Variants in TPGS2 observed in about 807,000 individuals in gnomAD.
TPGS2 encodes polyglutamylase subunit 2.
Under a neutral mutation model 31.1 loss-of-function variants are expected in TPGS2, and 26 were observed. The observed-to-expected ratio is 0.84, with a 90% CI of 0.61 to 1.16. The LOEUF is 1.16. Ranked by LOEUF, TPGS2 falls within the 50% of genes most tolerant of loss-of-function variation. TPGS2 has a pLI of 0.00. For missense variants in TPGS2, 351 were observed against 363.8 expected (o/e 0.96, Z 0.29); for synonymous variants, 130 against 136.6 (o/e 0.95, Z 0.34).
intron 1 of TPGS2, among the ~76,000 whole-genome samples, chr18:36,822,324 A>G (rs1256574740): frequency 1.3e-5 from 2 of 152,216 alleles, no homozygotes; most frequent in Non-Finnish European, 2.9e-5. Flanking sequence ...AAGCCTGTGC[A>G]TGGATTCCTC....
Position 36,805,470 on chromosome 18 carries a change from T to C in TPGS2, c.286A>G (p.Asn96Asp). 1 of 1,614,096 alleles carries C rather than the reference T, an allele frequency of 6.2e-7. No homozygotes were observed. The highest frequency in any genetic ancestry group is 8.5e-7 in the Non-Finnish European group (1 of 1,179,962). ...AGCTGAGTCAGTTTTGAGATGCTGT[T>C]AATTGCCATGCTTCCCAGTGGAATG... ...HIIPLGSMAI[N>D]SISKLTQLTQ... is the part of the protein sequence containing the mutation. Residue 96 changes from asparagine (N) to aspartate (D), a missense_variant, in exon 4 of 7, where the codon AAC (asparagine) becomes GAC (aspartate). Coordinates refer to ENST00000334295, the MANE Select transcript of TPGS2 (RefSeq NM_015476.4).
Position 36,796,652 on chromosome 18 carries a change from G to A in TPGS2, c.*153C>T. 1.4e-6 allele frequency: 2 copies of A among 1,419,158 alleles called. No homozygotes were observed. The highest frequency in any genetic ancestry group is 1.8e-6 in the Non-Finnish European group (2 of 1,092,008). The allele number at this position is 1,419,158 out of a possible 1,614,324, so 87.9% of individuals were successfully genotyped here. The stretch of plus-strand genomic sequence containing the variant: ...CTCTGGAGGCCTCACTACGAGCCTG[G>A]CTAATGTCGGTGGGACTAAAAGCCT... On this transcript the variant is annotated 3_prime_UTR_variant, in exon 7 of 7. Transcript: ENST00000334295.
At chr18:36,822,769 A>AT (rs989065540) in intron 1 of TPGS2, among the ~76,000 whole-genome samples, 5 of 151,520 alleles carry the variant, frequency 3.3e-5, no homozygotes, top group East Asian at 1.9e-4. Flanking sequence ...TAATTAAAAA[A>AT]TTTTTTTTTG....
Position 36,828,979 on chromosome 18 carries a change from T to A in TPGS2, c.-212A>T. 9.4e-7 allele frequency: 1 copy of A among 1,063,560 alleles called. No homozygotes were observed. The highest frequency in any genetic ancestry group is 3.4e-5 in the Admixed American group (1 of 29,096). The allele number at this position is 1,063,560 out of a possible 1,614,324, so 65.9% of individuals were successfully genotyped here. On this transcript the variant is annotated 5_prime_UTR_variant, in exon 1 of 7. Coordinates refer to ENST00000334295, the MANE Select transcript of TPGS2 (RefSeq NM_015476.4). ...CCCGCCCGGTGCCCCACACCGCACC[T>A]CCGGGACGTAGCTTCCCCTTCGCCC...
At chr18:36,797,408 C>T (rs931938167) in intron 6 of TPGS2, among the ~76,000 whole-genome samples, 2 of 150,438 alleles carry the variant, frequency 1.3e-5, no homozygotes, top group Non-Finnish European at 3.0e-5. Flanking sequence ...AGCTACTCCC[C>T]ATCAGGTGGA....
chr18:36,829,001 G>A lies in TPGS2; in HGVS notation c.-234C>T, dbSNP rs946029224. 6 of 1,158,920 alleles carry A rather than the reference G, an allele frequency of 5.2e-6. No individual in the cohort carries two copies. The highest frequency in any genetic ancestry group is 6.9e-6 in the Non-Finnish European group (6 of 868,416). The allele number at this position is 1,158,920 out of a possible 1,614,324, so 71.8% of individuals were successfully genotyped here. ...ACCTCCGGGACGTAGCTTCCCCTTC[G>A]CCCCCACCCTCTCGCCCCGCAGGGG... On this transcript the variant is annotated 5_prime_UTR_variant, in exon 1 of 7. Transcript: ENST00000334295.
intron 2 of TPGS2, among the ~76,000 whole-genome samples, chr18:36,808,714 G>T (rs2150615982): frequency 6.6e-6 from 1 of 152,202 alleles, no homozygotes; most frequent in East Asian, 1.9e-4. Flanking sequence ...CTCTTAGAAG[G>T]TAACCATATA....
At chr18:36,789,004 C>A (rs1463231094) in intron 6 of TPGS2, 2 of 152,290 alleles carry the variant, frequency 1.3e-5, no homozygotes, top group Admixed American at 6.5e-5. Flanking sequence ...CAGCTTTCCA[C>A]ACTGGAGACT....
chr18:36,796,524 G>C lies in TPGS2; in HGVS notation c.*281C>G. ...TAATCAATCAGTGCTAAGGGATTGA[G>C]GGTTGAGTGTTGAAGAAGAGGAAAG... is the stretch of plus-strand genomic sequence containing the variant. On this transcript the variant is annotated 3_prime_UTR_variant, in exon 7 of 7. Coordinates refer to ENST00000334295, the MANE Select transcript of TPGS2 (RefSeq NM_015476.4). 8.1e-7 allele frequency: 1 copy of C among 1,237,088 alleles called. No homozygotes were observed. Among genetic ancestry groups the C allele is most frequent in the South Asian group, 2.6e-5 (1 of 39,112 alleles). 76.6% of individuals were successfully genotyped at this position (1,237,088 alleles called of 1,614,324 possible). A position where few individuals can be genotyped will look rare whatever the true frequency, so the allele number is the denominator to read the frequency against.
intron 6 of TPGS2, 179 bp downstream of exon 6, chr18:36,798,268 GAT>G (rs1467893590): frequency 7.1e-7 from 1 of 1,407,916 alleles, no homozygotes; most frequent in Non-Finnish European, 9.3e-7. Flanking sequence ...CACTTAACTA[GAT>G]GAGTAAAGTG....
intron 5 of TPGS2, 113 bp from the exon 6 acceptor site, chr18:36,798,722 G>C: frequency 6.8e-7 from 1 of 1,461,132 alleles, no homozygotes. Context: ...CAGAGAGAAT[G>C]GAAAATGTAA....
At chr18:36,783,182 T>C (rs532791739) in intron 6 of TPGS2, 38 of 397,426 alleles carry the variant, frequency 9.6e-5, no homozygotes, top group African/African-American at 7.2e-4. Context: ...CATTAGTTTT[T>C]AGTGAAACTA....
At position 36,797,064 on chromosome 18, in the gene TPGS2, T is replaced by C. The variant is rs770115369; in HGVS notation, c.658-14A>G. On this transcript the variant is annotated splice_polypyrimidine_tract_variant and intron_variant, in intron 6 of 6. Coordinates refer to ENST00000334295, the MANE Select transcript of TPGS2 (RefSeq NM_015476.4). ...GCTGAACCATTGCTGTAAGGCAGAA[T>C]TGGAAGACAAGGTCACAATTCAAAG... The C allele has an allele frequency of 6.9e-6, 11 of 1,592,182 alleles. No homozygotes were observed. Among genetic ancestry groups the C allele is most frequent in the Non-Finnish European group, 9.4e-6 (11 of 1,172,842 alleles).
At chr18:36,798,746 C>T in intron 5 of TPGS2, 137 bp from the exon 6 acceptor site, 5 of 1,368,374 alleles carry the variant, frequency 3.7e-6, no homozygotes, top group Non-Finnish European at 4.8e-6. Flanking sequence ...AAAAGTTCCC[C>T]TTCTGCCCCA....
intron 2 of TPGS2, among the ~76,000 whole-genome samples, chr18:36,816,355 G>T (rs1206238916): frequency 6.6e-6 from 1 of 152,192 alleles, no homozygotes; most frequent in East Asian, 1.9e-4. Context: ...AGCTATGGAA[G>T]GCAGCTCCAA....
chr18:36,818,702 C>G (rs1600828966), intron 2 of TPGS2, 192 bp downstream of exon 2: 2 of 511,542 alleles, frequency 3.9e-6, no homozygotes, highest in African/African-American at 1.9e-5. Context: ...GGGAAACACT[C>G]CATGCTGGGT....
At chr18:36,797,240 T>A (rs569394262) in intron 6 of TPGS2, among the ~76,000 whole-genome samples, 190 bp from the exon 7 acceptor site, 1 of 152,170 alleles carries the variant, frequency 6.6e-6, no homozygotes, top group South Asian at 2.1e-4. Flanking sequence ...TCTGGTAAGA[T>A]AGACACATTG....
chr18:36,807,774 C>T (rs766071060), intron 3 of TPGS2, 73 bp downstream of exon 3: 40 of 1,413,658 alleles, frequency 2.8e-5, no homozygotes, highest in Middle Eastern at 1.8e-4. Context: ...ACTCAAAAGT[C>T]GAAGGGCCCT....
intron 1 of TPGS2, among the ~76,000 whole-genome samples, chr18:36,819,258 G>A (rs1444431944): frequency 6.6e-6 from 1 of 152,158 alleles, no homozygotes; most frequent in Admixed American, 6.5e-5. Context: ...AGAGATTGTA[G>A]ATTCCTAATG....
Sources: allele counts gnomAD v4.1 joint callset (sites outside exome capture counted in the v4.1 genomes callset), GRCh38; gene constraint gnomAD v4.1.1; transcripts MANE v1.5; gene names NCBI Gene and HGNC (gene_info 2026-07-23, HGNC 2026-07-21).